Variants in ACTR3B observed in about 807,000 individuals in gnomAD.
ACTR3B encodes the protein actin related protein 3B.
A neutral mutation model predicts 59.0 loss-of-function variants in ACTR3B; 8 were observed. That is an observed-to-expected ratio of 0.14 (90% CI 0.08 to 0.24). The LOEUF is 0.24. ACTR3B is among the 10% of genes least tolerant of loss of function. The pLI, the probability that ACTR3B is intolerant of heterozygous loss-of-function variation, is 1.00. For missense variants in ACTR3B, 245 were observed against 552.3 expected (o/e 0.44, Z 5.58); for synonymous variants, 148 against 197.9 (o/e 0.75, Z 2.12).
At chr7:152,812,753 A>G (rs1436478165) in intron 4 of ACTR3B, 2 of 149,618 alleles carry the variant, frequency 1.3e-5, no homozygotes, top group Admixed American at 1.4e-4. Context: ...GTGTGGCCCT[A>G]TGTGTCCTAG....
chr7:152,767,734 A>G (rs1159580444), intron 1 of ACTR3B, among the ~76,000 whole-genome samples: 1 of 151,840 alleles, frequency 6.6e-6, no homozygotes, highest in East Asian at 1.9e-4. Context: ...TTTTTTTGCT[A>G]TCATAAATGG....
At chr7:152,853,441 A>C in intron 10 of ACTR3B, 53 bp from the exon 11 acceptor site, 1 of 1,545,220 alleles carries the variant, frequency 6.5e-7, no homozygotes, top group Non-Finnish European at 8.9e-7. Context: ...GGGGATGATT[A>C]GATCACATGT....
At position 152,851,447 on chromosome 7, in the gene ACTR3B, A is replaced by G. The variant is rs565273455; in HGVS notation, c.952-679A>G. Among the ~76,000 whole-genome samples the G allele has an allele frequency of 1.9e-4, 29 of 152,294 alleles. No homozygotes were observed. In the South Asian group the frequency reaches 5.8e-3, roughly 30 times the overall value. On this transcript the variant is annotated intron_variant, in intron 9 of 11. Coordinates refer to ENST00000256001, the MANE Select transcript of ACTR3B (RefSeq NM_020445.6). ...TGGGCCGTCAAACCATGAGGATGTC[A>G]GTGGCTGCAGGTCAGGAGCTGACGG...
intron 9 of ACTR3B, among the ~76,000 whole-genome samples, chr7:152,844,291 C>T (rs2116975422): frequency 6.6e-6 from 1 of 152,244 alleles, no homozygotes; most frequent in Admixed American, 6.6e-5. Flanking sequence ...CTCCTGACCT[C>T]AGGTGATCCG....
chr7:152,843,072 T>G (rs2116967439), intron 9 of ACTR3B, among the ~76,000 whole-genome samples: 1 of 152,350 alleles, frequency 6.6e-6, no homozygotes, highest in African/African-American at 2.4e-5. Flanking sequence ...TAGTAAGAGT[T>G]CTTCAGATAT....
chr7:152,809,451 AC>A (rs2098262539), intron 4 of ACTR3B, among the ~76,000 whole-genome samples: 1 of 151,672 alleles, frequency 6.6e-6, no homozygotes, highest in South Asian at 2.1e-4. Context: ...AGCCGCCCTT[AC>A]CCGTTCTTAG....
chr7:152,829,361 C>T (rs910276582), intron 9 of ACTR3B, among the ~76,000 whole-genome samples: 1 of 152,194 alleles, frequency 6.6e-6, no homozygotes, highest in African/African-American at 2.4e-5. Flanking sequence ...CTCCCCACTC[C>T]GCAGCCCCTG....
chr7:152,765,289 G>A (rs2098105749), intron 1 of ACTR3B, among the ~76,000 whole-genome samples: 3 of 151,484 alleles, frequency 2.0e-5, no homozygotes. Flanking sequence ...GGCTAATTTT[G>A]TATTTTTAAT....
intron 9 of ACTR3B, among the ~76,000 whole-genome samples, chr7:152,842,674 C>T (rs1465151446): frequency 5.3e-5 from 8 of 152,184 alleles, no homozygotes; most frequent in African/African-American, 1.9e-4. Context: ...ACAAGTCAGC[C>T]GTCCCCTGCT....
chr7:152,759,959 C>T (rs905779834), intron 1 of ACTR3B, 33 bp downstream of exon 1: 13 of 1,335,446 alleles, frequency 9.7e-6, no homozygotes, highest in South Asian at 1.8e-5. Flanking sequence ...CCCCGCTCCT[C>T]CGCGGCCCCG....
At chr7:152,803,623 A>G (rs1369505812) in intron 4 of ACTR3B, among the ~76,000 whole-genome samples, 2 of 152,088 alleles carry the variant, frequency 1.3e-5, no homozygotes, top group African/African-American at 4.8e-5. Context: ...ATGGACCACC[A>G]CACAGCTCAC....
At chr7:152,819,474 A>G (rs555055485) in intron 6 of ACTR3B, among the ~76,000 whole-genome samples, 190 of 152,336 alleles carry the variant, frequency 1.2e-3, no homozygotes, top group African/African-American at 4.4e-3. Flanking sequence ...CTGGAGAACA[A>G]GCTGGATGTG....
intron 2 of ACTR3B, among the ~76,000 whole-genome samples, chr7:152,794,893 CTTTGAGACTTTAAAT>C (rs773381854): frequency 6.6e-5 from 10 of 152,180 alleles, no homozygotes; most frequent in Non-Finnish European, 1.2e-4. Context: ...AATTTGATAT[CTTTGAGACTTTAAAT>C]GTGGCAGTGA....
chr7:152,800,382 G>A (rs2098231442), intron 2 of ACTR3B, 149 bp from the exon 3 acceptor site: 33 of 1,067,678 alleles, frequency 3.1e-5, no homozygotes, highest in Non-Finnish European at 4.3e-5. Context: ...TGTACTCATT[G>A]ACATTGTCTT....
chr7:152,831,323 G>A (rs1797009489), intron 9 of ACTR3B, among the ~76,000 whole-genome samples: 1 of 152,214 alleles, frequency 6.6e-6, no homozygotes, highest in Non-Finnish European at 1.5e-5. Context: ...CAGAGCGCCA[G>A]GTCCCACTGC....
intron 2 of ACTR3B, among the ~76,000 whole-genome samples, chr7:152,797,062 T>TA: frequency 6.6e-6 from 1 of 151,996 alleles, no homozygotes; most frequent in African/African-American, 2.4e-5. Flanking sequence ...CACAAGGATT[T>TA]AAAAAATTTT....
chr7:152,831,561 A>G (rs1263731015), intron 9 of ACTR3B, among the ~76,000 whole-genome samples: 5 of 152,378 alleles, frequency 3.3e-5, no homozygotes, highest in African/African-American at 1.2e-4. Context: ...ATTGTGAGTT[A>G]AAATTGCCAT....
Position 152,846,895 on chromosome 7 carries a change from C to T in ACTR3B, c.952-5231C>T, listed in dbSNP as rs181440812. 2.6e-3 allele frequency among the ~76,000 whole-genome samples: 371 copies of T among 140,920 alleles called. 3 individuals are homozygous for T. In the South Asian group the frequency reaches 0.041, roughly 16 times the overall value. The allele number at this position is 140,920 out of a possible 152,430, so 92.4% of individuals were successfully genotyped here. A position where few individuals can be genotyped will look rare whatever the true frequency, so the allele number is the denominator to read the frequency against. ...GCAGTCTGTAGTGAGCCCCAGCGCCCGGGCTGTAGTCTGCAGTGAGCTCTA... is the reference window on the plus strand; with the variant it reads ...GCAGTCTGTAGTGAGCCCCAGCGCCTGGGCTGTAGTCTGCAGTGAGCTCTA... On this transcript the variant is annotated intron_variant, in intron 9 of 11. Coordinates refer to ENST00000256001, the MANE Select transcript of ACTR3B (RefSeq NM_020445.6).
At chr7:152,835,699 T>A (rs1389158852) in intron 9 of ACTR3B, among the ~76,000 whole-genome samples, 2 of 152,220 alleles carry the variant, frequency 1.3e-5, no homozygotes, top group Non-Finnish European at 2.9e-5. Flanking sequence ...CTGACCACCC[T>A]GCTCTAGACT....
Sources: allele counts gnomAD v4.1 joint callset (sites outside exome capture counted in the v4.1 genomes callset), GRCh38; gene constraint gnomAD v4.1.1; transcripts MANE v1.5; gene names NCBI Gene and HGNC (gene_info 2026-07-23, HGNC 2026-07-21).